The following SLC4A10 variants were observed in gnomAD, a reference collection of about 807,000 sequenced individuals.
SLC4A10 encodes solute carrier family 4 member 10.
SLC4A10 carries 42 observed loss-of-function variants against 137.7 expected under a neutral mutation model. The ratio of observed to expected loss-of-function variants is 0.30; its 90% CI spans 0.24 to 0.39. SLC4A10 has a LOEUF of 0.39. SLC4A10 is among the 10% of genes least tolerant of loss of function. The pLI is 1.00. For missense variants in SLC4A10, 925 were observed against 1,355.0 expected (o/e 0.68, Z 4.98); for synonymous variants, 474 against 464.1 (o/e 1.02, Z -0.27).
Position 161,933,183 on chromosome 2 carries a change from T to TTTTCTTTCTTTCTTTCTTTC in SLC4A10, c.1998-9558_1998-9539dup, listed in dbSNP as rs200613040. On this transcript the variant is annotated intron_variant, in intron 15 of 26. Coordinates refer to ENST00000446997, the MANE Select transcript of SLC4A10 (RefSeq NM_001178015.2). ...CTTTCTTTCTCTTTCCCCTTCCTTC[T>TTTTCTTTCTTTCTTTCTTTC]TTTCTTTCTTTCTTTCTTTCTTTCT... 2.4e-4 allele frequency among the ~76,000 whole-genome samples: 23 copies of TTTTCTTTCTTTCTTTCTTTC among 97,682 alleles called. 1 individual carries two copies. The highest frequency in any genetic ancestry group is 4.6e-4 in the Admixed American group (4 of 8,722). The allele number at this position is 97,682 out of a possible 152,430, so 64.1% of individuals were successfully genotyped here.
At chr2:161,842,711 T>C (rs1215585528) in intron 4 of SLC4A10, among the ~76,000 whole-genome samples, 1 of 152,154 alleles carries the variant, frequency 6.6e-6, no homozygotes, top group Non-Finnish European at 1.5e-5. Flanking sequence ...ACTTCTACCT[T>C]ACTTTTTGTC....
At chr2:161,844,135 C>G (rs2059352376) in intron 4 of SLC4A10, among the ~76,000 whole-genome samples, 1 of 152,076 alleles carries the variant, frequency 6.6e-6, no homozygotes, top group African/African-American at 2.4e-5. Context: ...TGTAGTTACC[C>G]TTTATAAAAG....
At chr2:161,880,793 T>G (rs2061715974) in intron 9 of SLC4A10, among the ~76,000 whole-genome samples, 1 of 152,080 alleles carries the variant, frequency 6.6e-6, no homozygotes, top group Non-Finnish European at 1.5e-5. Flanking sequence ...AGCAGTGCAT[T>G]TGTGTTCCAC....
intron 4 of SLC4A10, among the ~76,000 whole-genome samples, chr2:161,852,044 T>C (rs549363207): frequency 2.6e-5 from 4 of 152,248 alleles, no homozygotes; most frequent in African/African-American, 7.2e-5. Flanking sequence ...CATTCACCTC[T>C]ACACCTGGTT....
At chr2:161,834,768 T>C (rs1473035268) in intron 3 of SLC4A10, among the ~76,000 whole-genome samples, 1 of 151,674 alleles carries the variant, frequency 6.6e-6, no homozygotes, top group Admixed American at 6.6e-5. Context: ...ACTCATTCCA[T>C]GGGGTGGATG....
rs764257602 is a variant in SLC4A10, at chr2:161,974,324, A to G, written c.3227+8A>G. 5 of 1,594,336 alleles carry G rather than the reference A, an allele frequency of 3.1e-6. No individual in the cohort carries two copies. The highest frequency in any genetic ancestry group is 1.7e-6 in the Non-Finnish European group (2 of 1,169,904). On this transcript the variant is annotated splice_region_variant and intron_variant, in intron 24 of 26. Coordinates refer to ENST00000446997, the MANE Select transcript of SLC4A10 (RefSeq NM_001178015.2). The stretch of plus-strand genomic sequence containing the variant: ...ATTGGAAGGGCACTATAGGTAAGAC[A>G]TAAATTTAAAAACACATCAATTAAA...
intron 1 of SLC4A10, among the ~76,000 whole-genome samples, chr2:161,636,068 A>C (rs62188960): frequency 0.081 from 12,331 of 152,158 alleles, 570 homozygotes; most frequent in East Asian, 0.14. Flanking sequence ...GGGCTGTTTT[A>C]AAACTCATGT....
intron 1 of SLC4A10, among the ~76,000 whole-genome samples, chr2:161,727,464 T>C (rs1574604713): frequency 6.6e-6 from 1 of 152,098 alleles, no homozygotes; most frequent in Non-Finnish European, 1.5e-5. Context: ...ACATAAAAGA[T>C]AGAAGCCAAT....
chr2:161,714,142 C>T (rs1187738384), intron 1 of SLC4A10, among the ~76,000 whole-genome samples: 3 of 151,830 alleles, frequency 2.0e-5, no homozygotes, highest in Admixed American at 6.6e-5. Flanking sequence ...CTCTGTACTT[C>T]CTGTATAAAT....
At chr2:161,974,218 C>T (rs1331049671) in intron 23 of SLC4A10, 31 bp from the exon 24 acceptor site, 1 of 1,546,670 alleles carries the variant, frequency 6.5e-7, no homozygotes, top group Non-Finnish European at 8.8e-7. Context: ...TCATCAGGTT[C>T]ACTTTATATA....
Position 161,719,025 on chromosome 2 carries a change from T to G in SLC4A10, c.49-51948T>G, listed in dbSNP as rs547881912. Reference sequence around the variant, plus strand: ...CCATTAACTCGTCATTTAGCATTAGTTATATCTCCTAATGCTATCCTTCCC... The same window carrying G: ...CCATTAACTCGTCATTTAGCATTAGGTATATCTCCTAATGCTATCCTTCCC... On this transcript the variant is annotated intron_variant, in intron 1 of 26. Coordinates refer to ENST00000446997, the MANE Select transcript of SLC4A10 (RefSeq NM_001178015.2). 5.8e-3 allele frequency among the ~76,000 whole-genome samples: 884 copies of G among 152,174 alleles called. 4 individuals are homozygous for G. Among genetic ancestry groups the G allele is most frequent in the Non-Finnish European group, 0.01 (711 of 67,998 alleles).
intron 15 of SLC4A10, among the ~76,000 whole-genome samples, chr2:161,915,740 C>T (rs1686976576): frequency 6.6e-6 from 1 of 152,132 alleles, no homozygotes; most frequent in Non-Finnish European, 1.5e-5. Context: ...GCACTCCCTC[C>T]TGCAAGGGTT....
chr2:161,648,578 C>CT (rs893405503), intron 1 of SLC4A10, among the ~76,000 whole-genome samples: 1 of 152,142 alleles, frequency 6.6e-6, no homozygotes, highest in Non-Finnish European at 1.5e-5. Flanking sequence ...AAATAGAGAG[C>CT]TAAGGTTTCC....
intron 15 of SLC4A10, among the ~76,000 whole-genome samples, chr2:161,941,545 A>G (rs1692696379): frequency 6.6e-6 from 1 of 152,106 alleles, no homozygotes; most frequent in Non-Finnish European, 1.5e-5. Context: ...TAAGCTCTAT[A>G]TGTCAAAAGG....
At chr2:161,903,185 C>T (rs1218398947) in intron 12 of SLC4A10, among the ~76,000 whole-genome samples, 1 of 152,084 alleles carries the variant, frequency 6.6e-6, no homozygotes, top group African/African-American at 2.4e-5. Flanking sequence ...TAATACTTTT[C>T]CCCCAAAATA....
At chr2:161,756,402 G>A (rs2049651881) in intron 1 of SLC4A10, among the ~76,000 whole-genome samples, 1 of 152,134 alleles carries the variant, frequency 6.6e-6, no homozygotes. Flanking sequence ...GACAATGTTT[G>A]TTTTCTTATT....
In SLC4A10 at chr2:161,904,796, T is replaced by C. The variant is rs1683960575; in HGVS notation, c.1638T>C (p.Phe546=). The C allele has an allele frequency of 6.2e-7, 1 of 1,613,878 alleles. No homozygotes were observed. The part of the protein sequence containing the change: ...EGRISAIESL[F]GASMTGIAYS... ...CACAGAGTGCAATTGAATCTCTCTT[T>C]GGAGCATCCATGACCGGGATAGCCT... The change falls in exon 14 of 27, where the codon TTT becomes TTC. Residue 546 remains phenylalanine, a synonymous_variant. Transcript: ENST00000446997.
In SLC4A10 at chr2:161,635,900, C is replaced by T. The variant is rs1326986082; in HGVS notation, c.48+11334C>T. Among the ~76,000 whole-genome samples, 3 of 152,188 alleles carry T rather than the reference C, an allele frequency of 2.0e-5. No homozygotes were observed. The East Asian group carries it at 5.8e-4, about 29-fold the overall frequency. Reference sequence around the variant, plus strand: ...TGTGGGCTTCAACATTGTTTCTTCCCTTCTTAAAATGAGTTATCCATTTGT... The same window carrying T: ...TGTGGGCTTCAACATTGTTTCTTCCTTTCTTAAAATGAGTTATCCATTTGT... On this transcript the variant is annotated intron_variant, in intron 1 of 26. Coordinates refer to ENST00000446997, the MANE Select transcript of SLC4A10 (RefSeq NM_001178015.2).
intron 15 of SLC4A10, among the ~76,000 whole-genome samples, chr2:161,918,722 A>G (rs1213883811): frequency 6.6e-6 from 1 of 152,186 alleles, no homozygotes; most frequent in Non-Finnish European, 1.5e-5. Flanking sequence ...TAATGATGGC[A>G]GCAGTGGCCC....
Sources: gnomAD v4.1 joint callset for allele counts (sites outside exome capture counted in the v4.1 genomes callset) on GRCh38, gnomAD v4.1.1 for gene constraint, MANE v1.5 for transcripts, NCBI Gene and HGNC (gene_info 2026-07-23, HGNC 2026-07-21) for gene names.